Variants in OPCML observed in about 807,000 individuals in gnomAD.
The protein encoded by OPCML is opioid binding protein/cell adhesion molecule like.
A neutral mutation model predicts 37.8 loss-of-function variants in OPCML; 13 were observed. The ratio of observed to expected loss-of-function variants is 0.34; its 90% CI spans 0.22 to 0.55. The LOEUF is 0.55. Among genes scored for constraint, OPCML ranks in the 20% least tolerant of loss-of-function variants. The pLI is 0.91. For missense variants in OPCML, 341 were observed against 435.6 expected (o/e 0.78, Z 1.93); for synonymous variants, 176 against 168.8 (o/e 1.04, Z -0.33).
chr11:133,373,424 AATATATATATAT>A (rs57417327), intron 1 of OPCML, among the ~76,000 whole-genome samples: 6 of 117,738 alleles, frequency 5.1e-5, no homozygotes, highest in South Asian at 2.6e-4. Flanking sequence ...ACTTAATTAA[AATATATATATAT>A]ATATATATAT....
intron 1 of OPCML, among the ~76,000 whole-genome samples, chr11:132,975,529 C>CAAAAAAAAAAAAAAAA (rs56882175): frequency 4.7e-5 from 2 of 42,800 alleles, no homozygotes; most frequent in Non-Finnish European, 8.5e-5. Context: ...AGGTTTCAAG[C>CAAAAAAAAAAAAAAAA]AAAAAAAAAA....
At chr11:133,504,496 A>G (rs1200546398) in intron 1 of OPCML, among the ~76,000 whole-genome samples, 2 of 152,220 alleles carry the variant, frequency 1.3e-5, no homozygotes, top group Non-Finnish European at 2.9e-5. Flanking sequence ...ACAGAGATGG[A>G]TACAGAAATG....
chr11:133,050,741 A>G (rs1948115002), intron 1 of OPCML, among the ~76,000 whole-genome samples: 1 of 140,628 alleles, frequency 7.1e-6, no homozygotes, highest in South Asian at 2.2e-4. Context: ...TTTTCAGTGC[A>G]TTTTGTCCTG....
chr11:133,349,984 A>G (rs1417713239), intron 1 of OPCML, among the ~76,000 whole-genome samples: 4 of 152,186 alleles, frequency 2.6e-5, no homozygotes, highest in Middle Eastern at 3.2e-3. Flanking sequence ...CAGCGTTGGA[A>G]CAGATATGAA....
At position 132,547,126 on chromosome 11, in the gene OPCML, C is replaced by T. The variant is rs140037674; in HGVS notation, c.380-17940G>A. On this transcript the variant is annotated intron_variant, in intron 3 of 7. Transcript: ENST00000524381. ...CACAGCAAGATGACAAGGGCAAAAA[C>T]CATGCTTGGCACATACTCAGTGGGG... Among the ~76,000 whole-genome samples, 815 of 152,246 alleles carry T rather than the reference C, an allele frequency of 5.4e-3. 9 individuals carry two copies. Among genetic ancestry groups the T allele is most frequent in the African/African-American group, 0.019 (794 of 41,554 alleles).
intron 1 of OPCML, among the ~76,000 whole-genome samples, chr11:133,454,894 A>G (rs926359973): frequency 1.3e-5 from 2 of 152,242 alleles, no homozygotes; most frequent in African/African-American, 4.8e-5. Context: ...TTGGATAAAA[A>G]GAAAGACTGG....
At chr11:132,793,060 C>T (rs2136184209) in intron 2 of OPCML, among the ~76,000 whole-genome samples, 1 of 152,290 alleles carries the variant, frequency 6.6e-6, no homozygotes, top group South Asian at 2.1e-4. Context: ...GGACTATCGA[C>T]TGGGGTCCGG....
At chr11:132,484,105 G>T (rs1421880919) in intron 4 of OPCML, among the ~76,000 whole-genome samples, 1 of 152,004 alleles carries the variant, frequency 6.6e-6, no homozygotes, top group African/African-American at 2.4e-5. Flanking sequence ...CACAGCAAAA[G>T]AAACTACCTT....
chr11:132,432,473 C>G (rs2096000496), intron 7 of OPCML, among the ~76,000 whole-genome samples: 2 of 152,190 alleles, frequency 1.3e-5, no homozygotes, highest in African/African-American at 4.8e-5. Context: ...AATGCCTTCA[C>G]TGATTAAAAA....
At chr11:132,606,477 G>A (rs1440377658) in intron 3 of OPCML, among the ~76,000 whole-genome samples, 1 of 152,106 alleles carries the variant, frequency 6.6e-6, no homozygotes, top group South Asian at 2.1e-4. Flanking sequence ...ATGTCTGCGG[G>A]GTTTGCTTTG....
At chr11:133,408,357 T>G (rs1945567454) in intron 1 of OPCML, among the ~76,000 whole-genome samples, 1 of 152,212 alleles carries the variant, frequency 6.6e-6, no homozygotes, top group Admixed American at 6.5e-5. Context: ...GTGAAAATTG[T>G]TAGGGCATCT....
intron 1 of OPCML, chr11:133,421,702 T>C (rs1182271131): frequency 2.0e-6 from 2 of 984,692 alleles, no homozygotes; most frequent in Non-Finnish European, 2.4e-6. Context: ...CCTTATTGTG[T>C]ATTAAGGAAT....
intron 2 of OPCML, among the ~76,000 whole-genome samples, chr11:132,914,091 T>C (rs547012270): frequency 2.6e-5 from 4 of 152,312 alleles, no homozygotes; most frequent in African/African-American, 7.2e-5. Flanking sequence ...AAGTTCCCAA[T>C]TGTCTCTGCT....
chr11:132,988,627 T>A (rs1946721796), intron 1 of OPCML, among the ~76,000 whole-genome samples: 1 of 152,200 alleles, frequency 6.6e-6, no homozygotes, highest in Admixed American at 6.5e-5. Flanking sequence ...AATGCACTAA[T>A]GAATACAGCC....
At chr11:133,306,393 A>G (rs1470221183) in intron 1 of OPCML, among the ~76,000 whole-genome samples, 1 of 152,218 alleles carries the variant, frequency 6.6e-6, no homozygotes, top group Admixed American at 6.5e-5. Flanking sequence ...TACTATTTTA[A>G]GAATACTATG....
chr11:133,309,083 A>T (rs1049954776), intron 1 of OPCML, among the ~76,000 whole-genome samples: 1 of 152,220 alleles, frequency 6.6e-6, no homozygotes, highest in South Asian at 2.1e-4. Context: ...GTTTACAGTA[A>T]TGATTGCTTC....
At chr11:132,879,917 T>A (rs1943164183) in intron 2 of OPCML, among the ~76,000 whole-genome samples, 2 of 152,220 alleles carry the variant, frequency 1.3e-5, no homozygotes, top group South Asian at 4.1e-4. Context: ...CTATTCTGAA[T>A]TCCATTTCAT....
At chr11:133,475,509 T>C (rs946420395) in intron 1 of OPCML, among the ~76,000 whole-genome samples, 1 of 152,122 alleles carries the variant, frequency 6.6e-6, no homozygotes, top group Admixed American at 6.5e-5. Context: ...ACAGAAAGCG[T>C]CCTCTCTGTC....
intron 4 of OPCML, among the ~76,000 whole-genome samples, chr11:132,442,729 T>C (rs747386281): frequency 4.6e-5 from 7 of 152,118 alleles, no homozygotes; most frequent in Non-Finnish European, 1.0e-4. Flanking sequence ...AGAAGTCTTA[T>C]GAGATCTGAT....
Sources: gnomAD v4.1 joint callset for allele counts (sites outside exome capture counted in the v4.1 genomes callset) on GRCh38, gnomAD v4.1.1 for gene constraint, MANE v1.5 for transcripts, NCBI Gene and HGNC (gene_info 2026-07-23, HGNC 2026-07-21) for gene names.